Variants in PHACTR4 observed in about 807,000 individuals in gnomAD.
PHACTR4 encodes the protein protein phosphatase 1, regulatory subunit 124.
A neutral mutation model predicts 72.7 loss-of-function variants in PHACTR4; 51 were observed. That is an observed-to-expected ratio of 0.70 (90% CI 0.56 to 0.89). The LOEUF (loss-of-function observed/expected upper bound fraction) is 0.89, where lower values mean the gene tolerates loss of function less well. Ranked by LOEUF, PHACTR4 falls within the 40% of genes least tolerant of loss-of-function variation. PHACTR4 has a pLI of 0.00. For synonymous variants in PHACTR4, 255 were observed against 302.5 expected (o/e 0.84, Z 1.63); for missense variants, 731 against 861.8 (o/e 0.85, Z 1.90).
At chr1:28,441,435 G>A (rs1657023180) in intron 2 of PHACTR4, among the ~76,000 whole-genome samples, 1 of 152,072 alleles carries the variant, frequency 6.6e-6, no homozygotes, top group African/African-American at 2.4e-5. Context: ...GTAATGGAAG[G>A]CCAGCGCTAT....
intron 6 of PHACTR4, among the ~76,000 whole-genome samples, chr1:28,473,028 A>G (rs1318779825): frequency 1.3e-5 from 2 of 149,552 alleles, no homozygotes; most frequent in Non-Finnish European, 3.0e-5. Flanking sequence ...TAATCCCAAC[A>G]CTTTGAGAGG....
At chr1:28,485,426 A>C (rs1660573666) in intron 9 of PHACTR4, among the ~76,000 whole-genome samples, 1 of 151,522 alleles carries the variant, frequency 6.6e-6, no homozygotes, top group African/African-American at 2.4e-5. Flanking sequence ...ATCTCTACTA[A>C]AAATACAAAA....
chr1:28,466,263 T>C, intron 5 of PHACTR4, 119 bp from the exon 6 acceptor site: 1 of 1,177,924 alleles, frequency 8.5e-7, no homozygotes, highest in Admixed American at 2.2e-5. Context: ...AATGGTAACC[T>C]ATAAGCTAAT....
chr1:28,454,074 A>C, intron 2 of PHACTR4: 1 of 287,294 alleles, frequency 3.5e-6, no homozygotes, highest in Non-Finnish European at 6.7e-6. Flanking sequence ...TTTTTTTTTA[A>C]TTAGCCAGGT....
At position 28,376,073 on chromosome 1, in the gene PHACTR4, A is replaced by C. The variant is rs375418810; in HGVS notation, c.-39+6248A>C. 5.7e-3 allele frequency among the ~76,000 whole-genome samples: 862 copies of C among 151,696 alleles called. 1 individual carries two copies. The highest frequency in any genetic ancestry group is 0.01 in the Middle Eastern group (3 of 292). The stretch of plus-strand genomic sequence containing the variant: ...AACAAGAGCGAAACTCCATCTCAAA[A>C]AAACAAACAAACAAACAAAAAAAAC... On this transcript the variant is annotated intron_variant, in intron 1 of 13. Transcript: ENST00000373839.
At chr1:28,465,350 C>G (rs1296346358) in intron 4 of PHACTR4, among the ~76,000 whole-genome samples, 1 of 152,060 alleles carries the variant, frequency 6.6e-6, no homozygotes, top group Non-Finnish European at 1.5e-5. Flanking sequence ...GTCCCAGATA[C>G]TCAGGAGGCT....
chr1:28,459,392 C>A, intron 3 of PHACTR4, 134 bp downstream of exon 3: 547 of 401,080 alleles, frequency 1.4e-3, no homozygotes, highest in Non-Finnish European at 2.0e-3. Flanking sequence ...TTCTTTCCTT[C>A]TTCTTTTTTT....
intron 1 of PHACTR4, among the ~76,000 whole-genome samples, chr1:28,381,104 G>T (rs1652128960): frequency 6.6e-6 from 1 of 150,950 alleles, no homozygotes; most frequent in Admixed American, 6.7e-5. Context: ...TGCCTCCCGG[G>T]TTCAAGCAAT....
At chr1:28,397,791 G>A (rs1336929608) in intron 1 of PHACTR4, among the ~76,000 whole-genome samples, 1 of 151,712 alleles carries the variant, frequency 6.6e-6, no homozygotes, top group African/African-American at 2.4e-5. Flanking sequence ...CACCTCCTGG[G>A]TTCAAGCGAT....
chr1:28,461,734 C>G (rs1326787121), intron 4 of PHACTR4, among the ~76,000 whole-genome samples: 1 of 151,812 alleles, frequency 6.6e-6, no homozygotes. Context: ...CCTATGTTGC[C>G]CAGGCTAGTC....
rs1229529721 is a variant in PHACTR4 at position 28,496,634 on chromosome 1, C to A, written c.*85C>A. On this transcript the variant is annotated 3_prime_UTR_variant, in exon 14 of 14. Transcript: ENST00000373839. ...CATATGGAGGGAACTTTAGCACTTC[C>A]CAGCACAGCCAGAATTGCATCCTCT... 6.8e-7 allele frequency: 1 copy of A among 1,466,682 alleles called. No homozygotes were observed. The highest frequency in any genetic ancestry group is 2.3e-5 in the East Asian group (1 of 44,208). 90.9% of individuals were successfully genotyped at this position (1,466,682 alleles called of 1,614,324 possible).
intron 2 of PHACTR4, chr1:28,457,376 T>C: frequency 4.7e-6 from 2 of 421,448 alleles, no homozygotes; most frequent in Non-Finnish European, 4.8e-6. Flanking sequence ...AGGGAGGATC[T>C]CTTGAGACCA....
At chr1:28,453,663 A>G in intron 2 of PHACTR4, 1 of 1,292,734 alleles carries the variant, frequency 7.7e-7, no homozygotes. Context: ...TCCAAAAATC[A>G]GATTGAAAGA....
intron 2 of PHACTR4, among the ~76,000 whole-genome samples, chr1:28,457,674 C>A (rs114878459): frequency 6.6e-6 from 1 of 151,516 alleles, no homozygotes; most frequent in African/African-American, 2.4e-5. Flanking sequence ...ACCTTTTTAC[C>A]CTCCTCCAAA....
chr1:28,483,046 T>C (rs1257254444), intron 9 of PHACTR4, among the ~76,000 whole-genome samples: 1 of 152,090 alleles, frequency 6.6e-6, no homozygotes, highest in African/African-American at 2.4e-5. Context: ...AATTGTTCTC[T>C]GCAATTTCTT....
intron 9 of PHACTR4, among the ~76,000 whole-genome samples, chr1:28,485,461 C>G (rs1218543930): frequency 6.7e-6 from 1 of 149,506 alleles, no homozygotes; most frequent in South Asian, 2.1e-4. Context: ...GTGGCAGGCA[C>G]CTGTAATCCC....
intron 2 of PHACTR4, chr1:28,453,552 C>G: frequency 4.3e-6 from 3 of 689,706 alleles, no homozygotes; most frequent in Non-Finnish European, 2.4e-6. Context: ...GGCGGCTTCA[C>G]GAGAGAGTGG....
intron 2 of PHACTR4, among the ~76,000 whole-genome samples, chr1:28,426,081 C>A (rs540206623): frequency 6.6e-6 from 1 of 152,068 alleles, no homozygotes; most frequent in Non-Finnish European, 1.5e-5. Flanking sequence ...ATTAGCCAGG[C>A]GTAGTGGCAG....
At chr1:28,484,825 G>A (rs569260716) in intron 9 of PHACTR4, among the ~76,000 whole-genome samples, 3 of 151,960 alleles carry the variant, frequency 2.0e-5, no homozygotes, top group Admixed American at 6.6e-5. Flanking sequence ...AAATTTAGCC[G>A]GGTGGTGGCA....
Sources: gnomAD v4.1 joint callset for allele counts (sites outside exome capture counted in the v4.1 genomes callset) on GRCh38, gnomAD v4.1.1 for gene constraint, MANE v1.5 for transcripts, NCBI Gene and HGNC (gene_info 2026-07-23, HGNC 2026-07-21) for gene names.